ZNF407: variants seen among roughly 807,000 people sequenced by gnomAD.
The protein encoded by ZNF407 is zinc finger protein 407.
Under a neutral mutation model 131.2 loss-of-function variants are expected in ZNF407, and 17 were observed. The observed-to-expected ratio is 0.13, with a 90% CI of 0.09 to 0.19. The LOEUF (loss-of-function observed/expected upper bound fraction) is 0.19. Among genes scored for constraint, ZNF407 ranks in the 10% least tolerant of loss-of-function variants. The probability of loss-of-function intolerance (pLI) is 1.00; values close to 1 mark genes in which losing one functional copy is unlikely to be tolerated. For synonymous variants in ZNF407, 1,156 were observed against 1,062.0 expected (o/e 1.09, Z -1.72); for missense variants, 2,681 against 2,830.6 (o/e 0.95, Z 1.20).
chr18:74,831,245 G>A (rs1970479231), intron 4 of ZNF407, among the ~76,000 whole-genome samples: 1 of 152,192 alleles, frequency 6.6e-6, no homozygotes, highest in Admixed American at 6.5e-5. Context: ...TAGGAGTACA[G>A]GCATTTCTAT....
chr18:74,907,937 T>G (rs1336723008), intron 7 of ZNF407, among the ~76,000 whole-genome samples: 1 of 152,232 alleles, frequency 6.6e-6, no homozygotes, highest in Non-Finnish European at 1.5e-5. Flanking sequence ...TCTGTCACCT[T>G]AAGTTTTAAT....
chr18:74,867,060 A>G (rs549436350), intron 4 of ZNF407, among the ~76,000 whole-genome samples: 76 of 151,732 alleles, frequency 5.0e-4, no homozygotes, highest in Non-Finnish European at 7.2e-4. Context: ...ATCACATTAC[A>G]GATTAACAAT....
chr18:74,717,052 A>G (rs1339490537), intron 3 of ZNF407, among the ~76,000 whole-genome samples: 1 of 152,168 alleles, frequency 6.6e-6, no homozygotes, highest in Non-Finnish European at 1.5e-5. Context: ...AAAAACAAAA[A>G]ATATATATAC....
chr18:74,997,830 C>T (rs1402698785), intron 8 of ZNF407, among the ~76,000 whole-genome samples: 6 of 152,146 alleles, frequency 3.9e-5, no homozygotes, highest in South Asian at 4.1e-4. Context: ...TGTCTAAAAA[C>T]GAAAAATGCT....
At chr18:74,690,232 A>G (rs1967187914) in intron 3 of ZNF407, among the ~76,000 whole-genome samples, 1 of 152,112 alleles carries the variant, frequency 6.6e-6, no homozygotes, top group Non-Finnish European at 1.5e-5. Flanking sequence ...AATTCCCTAG[A>G]CTCTTAATAA....
intron 1 of ZNF407, among the ~76,000 whole-genome samples, chr18:74,606,823 A>G (rs1012903618): frequency 8.5e-5 from 13 of 152,246 alleles, no homozygotes; most frequent in African/African-American, 3.1e-4. Context: ...TTTAAAATAG[A>G]AGAAATAATT....
intron 7 of ZNF407, chr18:74,898,091 CTT>C (rs1971476482): frequency 6.6e-6 from 1 of 152,116 alleles, no homozygotes; most frequent in Admixed American, 6.6e-5. Context: ...GAAAGACAAA[CTT>C]TGAACATTTG....
intron 3 of ZNF407, among the ~76,000 whole-genome samples, chr18:74,758,477 A>G (rs1275603111): frequency 6.6e-6 from 1 of 152,194 alleles, no homozygotes; most frequent in Non-Finnish European, 1.5e-5. Flanking sequence ...TGTTACTGTC[A>G]TATAAAATGT....
At chr18:75,003,297 CA>C (rs1972869649) in intron 8 of ZNF407, among the ~76,000 whole-genome samples, 1 of 152,216 alleles carries the variant, frequency 6.6e-6, no homozygotes, top group Non-Finnish European at 1.5e-5. Context: ...GTGTGTTTGA[CA>C]GCTTTGGCCC....
intron 6 of ZNF407, among the ~76,000 whole-genome samples, chr18:74,889,276 G>GTCTT (rs1370045744): frequency 6.6e-6 from 1 of 151,814 alleles, no homozygotes; most frequent in East Asian, 1.9e-4. Context: ...GCGTAGCTGT[G>GTCTT]TCTGTCTGTC....
chr18:74,786,977 T>C (rs1969730722), intron 4 of ZNF407, among the ~76,000 whole-genome samples: 1 of 151,776 alleles, frequency 6.6e-6, no homozygotes, highest in African/African-American at 2.4e-5. Flanking sequence ...GGCTCACTTT[T>C]TTTGTTTTTA....
At chr18:75,003,138 A>C (rs1972867666) in intron 8 of ZNF407, among the ~76,000 whole-genome samples, 2 of 152,246 alleles carry the variant, frequency 1.3e-5, no homozygotes, top group Non-Finnish European at 1.5e-5. Flanking sequence ...CCTAACAAAC[A>C]TTTCAATTAT....
At chr18:74,724,219 A>G (rs900596079) in intron 3 of ZNF407, among the ~76,000 whole-genome samples, 2 of 152,110 alleles carry the variant, frequency 1.3e-5, no homozygotes, top group Non-Finnish European at 2.9e-5. Context: ...AATTGATGTA[A>G]TAATTGTACA....
intron 3 of ZNF407, among the ~76,000 whole-genome samples, chr18:74,700,042 A>T (rs1967455116): frequency 6.6e-6 from 1 of 152,220 alleles, no homozygotes; most frequent in Non-Finnish European, 1.5e-5. Flanking sequence ...CCATGCTTAA[A>T]AAAACACTTC....
chr18:74,976,699 T>C (rs1452650845), intron 8 of ZNF407, among the ~76,000 whole-genome samples: 1 of 152,222 alleles, frequency 6.6e-6, no homozygotes, highest in East Asian at 1.9e-4. Flanking sequence ...CCAATAGCTT[T>C]CAGCGTAATC....
chr18:74,706,401 T>C (rs1967624790), intron 3 of ZNF407, among the ~76,000 whole-genome samples: 1 of 152,244 alleles, frequency 6.6e-6, no homozygotes, highest in Non-Finnish European at 1.5e-5. Context: ...AATGATTGCC[T>C]TAAATCCTGG....
At chr18:74,991,556 T>G (rs1325767921) in intron 8 of ZNF407, among the ~76,000 whole-genome samples, 2 of 152,206 alleles carry the variant, frequency 1.3e-5, no homozygotes, top group East Asian at 1.9e-4. Context: ...TACATATATA[T>G]TCTTCTTTAA....
In ZNF407 at chr18:75,064,276, G is replaced by C; in HGVS notation, c.6555G>C (p.Leu2185=). 4.4e-6 allele frequency: 7 copies of C among 1,605,032 alleles called. No individual in the cohort carries two copies. Among genetic ancestry groups the C allele is most frequent in the Non-Finnish European group, 5.9e-6 (7 of 1,176,730 alleles). The change falls in exon 9 of 9, where the codon CTG becomes CTC. Residue 2185 remains leucine (L), a synonymous_variant. Transcript: ENST00000299687. ...LPPGVQDEPG[L]YSHTVLETAD... Reference sequence around the variant, plus strand: ...CAGGGGTGCAGGACGAGCCGGGCCTGTACTCCCACACCGTGCTGGAGACTG... The same window carrying C: ...CAGGGGTGCAGGACGAGCCGGGCCTCTACTCCCACACCGTGCTGGAGACTG...
At chr18:74,749,247 G>A (rs1479273047) in intron 3 of ZNF407, among the ~76,000 whole-genome samples, 1 of 152,130 alleles carries the variant, frequency 6.6e-6, no homozygotes, top group Non-Finnish European at 1.5e-5. Context: ...CGCGTGTACA[G>A]GTCTCCTCTC....
Sources: gnomAD v4.1 joint callset for allele counts (sites outside exome capture counted in the v4.1 genomes callset) on GRCh38, gnomAD v4.1.1 for gene constraint, MANE v1.5 for transcripts, NCBI Gene and HGNC (gene_info 2026-07-23, HGNC 2026-07-21) for gene names.